Variants in KCTD8 observed in about 807,000 individuals in gnomAD.
The protein encoded by KCTD8 is potassium channel tetramerization domain containing 8.
A neutral mutation model predicts 31.5 loss-of-function variants in KCTD8; 27 were observed. The observed-to-expected ratio is 0.86, with a 90% CI of 0.63 to 1.18. The LOEUF is 1.18. KCTD8 is among the 50% of genes most tolerant of loss of function. The pLI is 0.00. For missense variants in KCTD8, 658 were observed against 647.7 expected (o/e 1.02, Z -0.17); for synonymous variants, 290 against 280.0 (o/e 1.04, Z -0.36).
intron 1 of KCTD8, among the ~76,000 whole-genome samples, chr4:44,402,009 T>G (rs546238663): frequency 3.3e-5 from 5 of 152,286 alleles, no homozygotes; most frequent in Non-Finnish European, 5.9e-5. Flanking sequence ...TCTCCTTAAT[T>G]AATTCAAGCT....
intron 1 of KCTD8, among the ~76,000 whole-genome samples, chr4:44,265,135 G>C (rs1716304904): frequency 6.6e-6 from 1 of 152,070 alleles, no homozygotes; most frequent in Non-Finnish European, 1.5e-5. Context: ...TAACTAGGAG[G>C]CACCCCCCAG....
At chr4:44,372,125 C>T (rs1719803768) in intron 1 of KCTD8, among the ~76,000 whole-genome samples, 1 of 152,120 alleles carries the variant, frequency 6.6e-6, no homozygotes, top group Non-Finnish European at 1.5e-5. Context: ...ATTATTCAGT[C>T]TTTTAATAAG....
intron 1 of KCTD8, among the ~76,000 whole-genome samples, chr4:44,303,103 C>A (rs935292046): frequency 1.3e-5 from 2 of 151,652 alleles, no homozygotes; most frequent in Admixed American, 6.6e-5. Context: ...TTTTGATGTG[C>A]TGCTGGATTC....
intron 1 of KCTD8, among the ~76,000 whole-genome samples, chr4:44,185,753 T>C (rs975586469): frequency 3.3e-5 from 5 of 152,170 alleles, no homozygotes; most frequent in African/African-American, 9.7e-5. Flanking sequence ...CCTGCTTTTT[T>C]TTTTTTAATA....
chr4:44,430,523 A>G (rs181674712), intron 1 of KCTD8, among the ~76,000 whole-genome samples: 1 of 151,678 alleles, frequency 6.6e-6, no homozygotes, highest in Non-Finnish European at 1.5e-5. Flanking sequence ...TGTACATAGC[A>G]TATGGCCTAT....
intron 1 of KCTD8, among the ~76,000 whole-genome samples, chr4:44,338,871 G>GA (rs1450994491): frequency 1.3e-5 from 2 of 152,036 alleles, no homozygotes; most frequent in Non-Finnish European, 2.9e-5. Flanking sequence ...GATTTTAATA[G>GA]AAAAAAGCTC....
intron 1 of KCTD8, among the ~76,000 whole-genome samples, chr4:44,429,876 G>A (rs1373682947): frequency 6.6e-6 from 1 of 151,624 alleles, no homozygotes; most frequent in Non-Finnish European, 1.5e-5. Context: ...CAGATAAGAT[G>A]GGTTCAGTGT....
chr4:44,341,041 A>G (rs1486867329), intron 1 of KCTD8, among the ~76,000 whole-genome samples: 3 of 152,138 alleles, frequency 2.0e-5, no homozygotes, highest in East Asian at 1.9e-4. Flanking sequence ...CATACCTTGG[A>G]GATATTGTGG....
rs200389054 is a variant in KCTD8 at position 44,200,017 on chromosome 4, CT to C, written c.962-24768del. 7.7e-3 allele frequency among the ~76,000 whole-genome samples: 1,172 copies of C among 151,958 alleles called. 15 individuals are homozygous for C. Among genetic ancestry groups the C allele is most frequent in the African/African-American group, 0.027 (1,118 of 41,516 alleles). On this transcript the variant is annotated intron_variant, in intron 1 of 1. Coordinates refer to ENST00000360029, the MANE Select transcript of KCTD8 (RefSeq NM_198353.3). The stretch of plus-strand genomic sequence containing the variant: ...AATAAAAAAAGATCCTGAAAGGGTA[CT>C]GTAAACACCTCTGTGCACACAAACT...
In KCTD8 at chr4:44,291,831, T is replaced by G. The variant is rs143898496; in HGVS notation, c.962-116581A>C. Among the ~76,000 whole-genome samples the G allele has an allele frequency of 2.7e-3, 413 of 151,850 alleles. 1 individual carries two copies. The highest frequency in any genetic ancestry group is 0.01 in the Middle Eastern group (3 of 294). On this transcript the variant is annotated intron_variant, in intron 1 of 1. Coordinates refer to ENST00000360029, the MANE Select transcript of KCTD8 (RefSeq NM_198353.3). Reference sequence around the variant, plus strand: ...ATGGGCAAAGAACAAGAACAGACATTTCTCAAACAAGGACATGCCAGTGGC... The same window carrying G: ...ATGGGCAAAGAACAAGAACAGACATGTCTCAAACAAGGACATGCCAGTGGC...
intron 1 of KCTD8, among the ~76,000 whole-genome samples, chr4:44,366,823 G>A (rs938609742): frequency 5.3e-5 from 8 of 152,030 alleles, no homozygotes; most frequent in African/African-American, 1.7e-4. Context: ...AAATCCCACC[G>A]TATGGCAGGT....
chr4:44,266,735 G>A (rs933303597), intron 1 of KCTD8, among the ~76,000 whole-genome samples: 1 of 151,988 alleles, frequency 6.6e-6, no homozygotes, highest in Admixed American at 6.6e-5. Context: ...AAAGGCAGGG[G>A]TTGCAATCCT....
At chr4:44,180,652 A>C (rs1005940801) in intron 1 of KCTD8, among the ~76,000 whole-genome samples, 6 of 151,834 alleles carry the variant, frequency 4.0e-5, no homozygotes, top group African/African-American at 1.5e-4. Context: ...AAATTTTTTC[A>C]TCACTAGGGG....
At chr4:44,297,392 T>C (rs753043531) in intron 1 of KCTD8, among the ~76,000 whole-genome samples, 13 of 152,126 alleles carry the variant, frequency 8.5e-5, no homozygotes, top group Non-Finnish European at 1.9e-4. Context: ...TTCTCAGATG[T>C]ATATTTTTTT....
intron 1 of KCTD8, among the ~76,000 whole-genome samples, chr4:44,205,399 T>C (rs1191029401): frequency 6.6e-6 from 1 of 152,182 alleles, no homozygotes; most frequent in Admixed American, 6.5e-5. Context: ...ATTAATTGTT[T>C]TAAGGCAACT....
At chr4:44,186,591 C>T (rs1193719427) in intron 1 of KCTD8, among the ~76,000 whole-genome samples, 3 of 152,226 alleles carry the variant, frequency 2.0e-5, no homozygotes, top group Non-Finnish European at 2.9e-5. Context: ...TAAACATTCA[C>T]CCCTAGACGC....
intron 1 of KCTD8, among the ~76,000 whole-genome samples, chr4:44,312,115 T>C (rs1717970877): frequency 6.6e-6 from 1 of 152,260 alleles, no homozygotes; most frequent in Non-Finnish European, 1.5e-5. Flanking sequence ...TATATGTCTT[T>C]AGATTTCTAA....
At chr4:44,360,659 G>A (rs1719470808) in intron 1 of KCTD8, among the ~76,000 whole-genome samples, 1 of 151,950 alleles carries the variant, frequency 6.6e-6, no homozygotes, top group Admixed American at 6.6e-5. Flanking sequence ...TAATTAAAGT[G>A]AAAACAGAAA....
rs147754953 is a variant in KCTD8 at position 44,231,782 on chromosome 4, GTC to G, written c.962-56534_962-56533del. ...AATGAGTAAATTAAAATCTCACTGT[GTC>G]TCTCTCTCTCTCTCTGCCTTTCTTT... On this transcript the variant is annotated intron_variant, in intron 1 of 1. Transcript: ENST00000360029. 9.7e-3 allele frequency among the ~76,000 whole-genome samples: 1,453 copies of G among 149,294 alleles called. 19 individuals carry two copies. Among genetic ancestry groups the G allele is most frequent in the African/African-American group, 0.031 (1,291 of 41,070 alleles).
Sources: gnomAD v4.1 joint callset for allele counts (sites outside exome capture counted in the v4.1 genomes callset) on GRCh38, gnomAD v4.1.1 for gene constraint, MANE v1.5 for transcripts, NCBI Gene and HGNC (gene_info 2026-07-23, HGNC 2026-07-21) for gene names.